ERBB4: variants seen among roughly 807,000 people sequenced by gnomAD.
ERBB4 encodes the protein erb-b2 receptor tyrosine kinase 4.
In ERBB4, 42 loss-of-function variants were observed where a neutral mutation model predicts 158.0. The ratio of observed to expected loss-of-function variants is 0.27; its 90% CI spans 0.21 to 0.34. ERBB4 has a LOEUF of 0.34. Among genes scored for constraint, ERBB4 ranks in the 10% least tolerant of loss-of-function variants. The probability of loss-of-function intolerance (pLI) is 1.00; values close to 1 mark genes in which losing one functional copy is unlikely to be tolerated. For synonymous variants in ERBB4, 583 were observed against 558.7 expected, an observed-to-expected ratio of 1.04 and a Z score of -0.61; for missense variants, 1,333 against 1,624.1, an observed-to-expected ratio of 0.82 and a Z score of 3.08.
At chr2:212,371,375 C>T (rs987083435) in intron 1 of ERBB4, among the ~76,000 whole-genome samples, 32 of 152,224 alleles carry the variant, frequency 2.1e-4, no homozygotes, top group African/African-American at 2.4e-5. Context: ...CTACGCAATT[C>T]AGTTTCTTTA....
chr2:211,551,510 C>G (rs1472136321), intron 20 of ERBB4, among the ~76,000 whole-genome samples: 1 of 152,024 alleles, frequency 6.6e-6, no homozygotes, highest in African/African-American at 2.4e-5. Context: ...CAAATATACC[C>G]AAGGAATCCA....
chr2:211,619,397 G>A (rs1293573855), intron 18 of ERBB4, 122 bp from the exon 19 acceptor site: 1 of 655,026 alleles, frequency 1.5e-6, no homozygotes, highest in East Asian at 2.7e-5. Flanking sequence ...CCTGTTACAT[G>A]TTACAAGTTA....
At chr2:212,450,210 A>T (rs2092424999) in intron 1 of ERBB4, among the ~76,000 whole-genome samples, 3 of 152,174 alleles carry the variant, frequency 2.0e-5, no homozygotes, top group African/African-American at 4.8e-5. Context: ...TGACTATATC[A>T]ATGTCCTTGT....
intron 3 of ERBB4, among the ~76,000 whole-genome samples, chr2:211,917,933 A>C (rs1165776269): frequency 6.6e-6 from 1 of 152,200 alleles, no homozygotes; most frequent in South Asian, 2.1e-4. Context: ...TCTCCACTTA[A>C]GAGTCCACTG....
intron 16 of ERBB4, among the ~76,000 whole-genome samples, chr2:211,647,845 C>T (rs2070831213): frequency 1.3e-5 from 2 of 151,622 alleles, no homozygotes; most frequent in African/African-American, 4.8e-5. Context: ...GACTCACTCC[C>T]TTCTAGAACA....
chr2:211,782,683 A>G (rs1041122099), intron 4 of ERBB4, among the ~76,000 whole-genome samples: 4 of 152,176 alleles, frequency 2.6e-5, no homozygotes, highest in African/African-American at 9.6e-5. Flanking sequence ...TCGGGAGCCA[A>G]ACTGTGTGGT....
chr2:211,592,354 C>T (rs1240695149), intron 19 of ERBB4, among the ~76,000 whole-genome samples: 1 of 152,080 alleles, frequency 6.6e-6, no homozygotes, highest in Non-Finnish European at 1.5e-5. Flanking sequence ...CGGAGTCTGT[C>T]TGGCTCTCTT....
chr2:211,894,665 C>T (rs923239796), intron 3 of ERBB4, among the ~76,000 whole-genome samples: 2 of 152,136 alleles, frequency 1.3e-5, no homozygotes, highest in Non-Finnish European at 1.5e-5. Context: ...TTTGGCATGA[C>T]TGAATTATAG....
chr2:212,291,679 G>A (rs966176991), intron 1 of ERBB4, among the ~76,000 whole-genome samples: 10 of 151,950 alleles, frequency 6.6e-5, no homozygotes, highest in African/African-American at 2.4e-4. Context: ...ATCATTTGAT[G>A]AACATTAGAG....
rs535094121 is a variant in ERBB4 at position 211,395,748 on chromosome 2, C to T, written c.3136-7756G>A. Among the ~76,000 whole-genome samples, 5 of 152,034 alleles carry T rather than the reference C, an allele frequency of 3.3e-5. No individual in the cohort carries two copies. The South Asian group carries it at 1.0e-3, about 32-fold the overall frequency. On this transcript the variant is annotated intron_variant, in intron 25 of 27. Coordinates refer to ENST00000342788, the MANE Select transcript of ERBB4 (RefSeq NM_005235.3). ...AGTATTTATTAAAATGGTACTTTGT[C>T]TACAAAACAGGTTGCCCTTCACAGA... is the stretch of plus-strand genomic sequence containing the variant.
At chr2:212,220,436 T>C (rs183934827) in intron 1 of ERBB4, among the ~76,000 whole-genome samples, 11 of 151,522 alleles carry the variant, frequency 7.3e-5, no homozygotes, top group Admixed American at 6.6e-4. Flanking sequence ...GACCTAGTTA[T>C]AAAAACCAGA....
At position 211,683,535 on chromosome 2, in the gene ERBB4, T is replaced by C. The variant is rs568264695; in HGVS notation, c.1490-4351A>G. 1.4e-3 allele frequency among the ~76,000 whole-genome samples: 216 copies of C among 152,332 alleles called. 2 individuals are homozygous for C. The highest frequency in any genetic ancestry group is 4.9e-3 in the African/African-American group (205 of 41,584). ...ATTGTTTGTTTCTTTTTATTGACCATAGTATTTCATAGTATGGGTTACTAC... is the reference window on the plus strand; with the variant it reads ...ATTGTTTGTTTCTTTTTATTGACCACAGTATTTCATAGTATGGGTTACTAC... On this transcript the variant is annotated intron_variant, in intron 12 of 27. Coordinates refer to ENST00000342788, the MANE Select transcript of ERBB4 (RefSeq NM_005235.3).
intron 1 of ERBB4, among the ~76,000 whole-genome samples, chr2:212,418,286 T>C (rs1197678772): frequency 6.6e-6 from 1 of 151,972 alleles, no homozygotes; most frequent in East Asian, 1.9e-4. Context: ...TTATTAATAT[T>C]GTAAAATCCA....
intron 3 of ERBB4, among the ~76,000 whole-genome samples, chr2:211,905,648 ATATATATAT>A (rs2079361472): frequency 2.7e-4 from 1 of 3,738 alleles, no homozygotes; most frequent in Admixed American, 3.1e-3. Context: ...AGGAAGGATC[ATATATATAT>A]ATATATATAT....
At chr2:211,796,956 A>T (rs894703276) in intron 3 of ERBB4, among the ~76,000 whole-genome samples, 1 of 152,082 alleles carries the variant, frequency 6.6e-6, no homozygotes, top group East Asian at 1.9e-4. Context: ...TTAAAACTAC[A>T]TTAATAATTA....
At chr2:211,608,711 T>G (rs968662567) in intron 19 of ERBB4, among the ~76,000 whole-genome samples, 2 of 152,156 alleles carry the variant, frequency 1.3e-5, no homozygotes, top group Admixed American at 6.5e-5. Context: ...TCACCCTGGC[T>G]TTGGTGTGCA....
intron 2 of ERBB4, among the ~76,000 whole-genome samples, chr2:212,050,552 A>C (rs556328013): frequency 3.9e-5 from 6 of 152,278 alleles, no homozygotes; most frequent in East Asian, 1.9e-4. Flanking sequence ...GTAGAATATC[A>C]ATTTAAAAAT....
intron 17 of ERBB4, among the ~76,000 whole-genome samples, chr2:211,626,864 G>A (rs1004676498): frequency 3.3e-5 from 5 of 151,938 alleles, no homozygotes; most frequent in South Asian, 4.1e-4. Flanking sequence ...GGCGGAGCTT[G>A]CAGTGAGCCG....
intron 12 of ERBB4, among the ~76,000 whole-genome samples, chr2:211,697,989 C>G (rs777003178): frequency 6.6e-6 from 1 of 152,062 alleles, no homozygotes; most frequent in Non-Finnish European, 1.5e-5. Context: ...TAATATGGTA[C>G]TAGTCCAGCA....
Sources: allele counts gnomAD v4.1 joint callset (sites outside exome capture counted in the v4.1 genomes callset), GRCh38; gene constraint gnomAD v4.1.1; transcripts MANE v1.5; gene names NCBI Gene and HGNC (gene_info 2026-07-23, HGNC 2026-07-21).